WDR7: variants seen among roughly 807,000 people sequenced by gnomAD.
WDR7 encodes WD repeat domain 7, also known as WD repeat-containing protein 7.
A neutral mutation model predicts 169.4 loss-of-function variants in WDR7; 46 were observed. The ratio of observed to expected loss-of-function variants is 0.27; its 90% CI spans 0.21 to 0.35. WDR7 has a LOEUF of 0.35. Among genes scored for constraint, WDR7 ranks in the 10% least tolerant of loss-of-function variants. The pLI is 1.00. For synonymous variants in WDR7, 612 were observed against 666.8 expected, an observed-to-expected ratio of 0.92 and a Z score of 1.27; for missense variants, 1,534 against 1,859.3, an observed-to-expected ratio of 0.83 and a Z score of 3.22.
intron 16 of WDR7, among the ~76,000 whole-genome samples, chr18:56,770,890 T>C (rs1385026104): frequency 6.6e-6 from 1 of 152,190 alleles, no homozygotes; most frequent in Non-Finnish European, 1.5e-5. Context: ...GGAAAGGGTC[T>C]ATATTATGAA....
rs182754978 is a variant in WDR7, at chr18:56,878,727, C to G, written c.3305-1217C>G. ...TTATTAGCTATTGTTAACCATTTTA[C>G]CCCCACTCCAGCCAACCACTAATCT... On this transcript the variant is annotated intron_variant, in intron 20 of 27. Transcript: ENST00000254442. Among the ~76,000 whole-genome samples the G allele has an allele frequency of 2.4e-3, 365 of 152,232 alleles. 1 individual carries two copies. Among genetic ancestry groups the G allele is most frequent in the African/African-American group, 8.3e-3 (344 of 41,536 alleles).
intron 16 of WDR7, among the ~76,000 whole-genome samples, chr18:56,761,619 A>G (rs2043981971): frequency 6.6e-6 from 1 of 152,012 alleles, no homozygotes; most frequent in African/African-American, 2.4e-5. Flanking sequence ...TTATACATCA[A>G]CTTGATATAT....
chr18:56,977,455 G>T (rs1216949758), intron 26 of WDR7, among the ~76,000 whole-genome samples: 1 of 152,178 alleles, frequency 6.6e-6, no homozygotes, highest in Non-Finnish European at 1.5e-5. Flanking sequence ...TGGCTTCATT[G>T]CACTGAGAGG....
chr18:56,718,252 C>T, intron 13 of WDR7, 93 bp downstream of exon 13: 3 of 1,304,342 alleles, frequency 2.3e-6, no homozygotes, highest in South Asian at 1.7e-5. Context: ...AGAAAAAAGG[C>T]TTGAAATGTA....
chr18:56,829,918 G>T (rs946133849), intron 20 of WDR7, among the ~76,000 whole-genome samples: 1 of 152,134 alleles, frequency 6.6e-6, no homozygotes, highest in East Asian at 1.9e-4. Context: ...TAAGTTTAAA[G>T]ATAGATAAGT....
rs925087936 is a variant in WDR7 at position 56,885,553 on chromosome 18, G to A, written c.3526+5388G>A. Among the ~76,000 whole-genome samples, 23 of 151,968 alleles carry A rather than the reference G, an allele frequency of 1.5e-4. No individual in the cohort carries two copies. In the East Asian group the frequency reaches 2.5e-3, roughly 17 times the overall value. On this transcript the variant is annotated intron_variant, in intron 21 of 27. Coordinates refer to ENST00000254442, the MANE Select transcript of WDR7 (RefSeq NM_015285.3). ...AGAACTTCAGAACTCAGCTGGGCGC[G>A]GTGGCTCATGCCTGTAATCCCAGCA...
At chr18:56,762,861 T>G (rs921446995) in intron 16 of WDR7, among the ~76,000 whole-genome samples, 2 of 152,028 alleles carry the variant, frequency 1.3e-5, no homozygotes, top group East Asian at 3.9e-4. Context: ...AATGCCTATT[T>G]ATATCTTTTG....
rs2047981711 is a variant in WDR7, at chr18:57,001,653, A to G, written c.4165-19092A>G. ...ATGTGACCACCACCATAATCAGGAT[A>G]AGAACATATCCATTACCCAAAAAGT... On this transcript the variant is annotated intron_variant, in intron 26 of 27. Coordinates refer to ENST00000254442, the MANE Select transcript of WDR7 (RefSeq NM_015285.3). 1.3e-5 allele frequency among the ~76,000 whole-genome samples: 2 copies of G among 152,174 alleles called. 1 individual carries two copies. Among genetic ancestry groups the G allele is most frequent in the South Asian group, 4.1e-4 (2 of 4,828 alleles).
intron 14 of WDR7, among the ~76,000 whole-genome samples, chr18:56,748,731 CCTGT>C (rs1359906269): frequency 6.6e-6 from 1 of 152,030 alleles, no homozygotes; most frequent in African/African-American, 2.4e-5. Flanking sequence ...GAAGTCTTAT[CCTGT>C]CTAAAATAAA....
At chr18:56,788,266 T>C (rs2044432974) in intron 19 of WDR7, among the ~76,000 whole-genome samples, 1 of 152,210 alleles carries the variant, frequency 6.6e-6, no homozygotes, top group African/African-American at 2.4e-5. Context: ...TATACTTCTT[T>C]ATTTGAATGG....
intron 25 of WDR7, among the ~76,000 whole-genome samples, chr18:56,956,761 A>G (rs1396315307): frequency 6.6e-6 from 1 of 152,168 alleles, no homozygotes; most frequent in Non-Finnish European, 1.5e-5. Context: ...AAGGGATGCA[A>G]CATGCAGTTG....
intron 20 of WDR7, among the ~76,000 whole-genome samples, chr18:56,862,344 G>A (rs922664004): frequency 3.3e-5 from 5 of 151,004 alleles, no homozygotes; most frequent in African/African-American, 9.7e-5. Context: ...TTGAATTAAC[G>A]GTATATGAAT....
intron 14 of WDR7, among the ~76,000 whole-genome samples, chr18:56,744,152 T>A (rs1158962726): frequency 7.0e-6 from 1 of 142,102 alleles, no homozygotes. Flanking sequence ...GGCAGGAGAA[T>A]GGCGTGAACC....
chr18:56,891,147 C>T (rs1242046359), intron 21 of WDR7, among the ~76,000 whole-genome samples: 1 of 152,056 alleles, frequency 6.6e-6, no homozygotes, highest in Non-Finnish European at 1.5e-5. Context: ...TACCTTAATG[C>T]ACAAATTATA....
intron 2 of WDR7, among the ~76,000 whole-genome samples, chr18:56,678,763 G>A (rs573466155): frequency 2.0e-5 from 3 of 152,146 alleles, no homozygotes; most frequent in Non-Finnish European, 4.4e-5. Flanking sequence ...CCAAAGTGCT[G>A]GGATTACAGA....
chr18:56,913,599 C>A lies in WDR7; in HGVS notation c.3527-10323C>A, dbSNP rs538638351. Among the ~76,000 whole-genome samples the A allele has an allele frequency of 2.1e-5, 3 of 140,404 alleles. No individual in the cohort carries two copies. In the South Asian group the frequency reaches 6.9e-4, roughly 32 times the overall value. 92.1% of individuals were successfully genotyped at this position (140,404 alleles called of 152,430 possible). A position where few individuals can be genotyped will look rare whatever the true frequency, so the allele number is the denominator to read the frequency against. On this transcript the variant is annotated intron_variant, in intron 21 of 27. Transcript: ENST00000254442. Reference sequence around the variant, plus strand: ...CCCAGGAGTTTGAGACCAGCCTGGGCAACAGAGTGAGACCCCATCTCTACA... The same window carrying A: ...CCCAGGAGTTTGAGACCAGCCTGGGAAACAGAGTGAGACCCCATCTCTACA...
chr18:56,769,200 A>C (rs956625214), intron 16 of WDR7, among the ~76,000 whole-genome samples: 22 of 149,962 alleles, frequency 1.5e-4, no homozygotes, highest in African/African-American at 5.4e-4. Flanking sequence ...AAGTCTGCTC[A>C]TGGCTTTAGG....
intron 20 of WDR7, among the ~76,000 whole-genome samples, chr18:56,820,339 CAAAAAAA>C (rs386387798): frequency 0.054 from 2,307 of 42,496 alleles, 65 homozygotes; most frequent in Middle Eastern, 0.35. Context: ...CTGACATTGT[CAAAAAAA>C]AAAAAAAAAA....
At chr18:56,975,139 G>A (rs2047547634) in intron 26 of WDR7, among the ~76,000 whole-genome samples, 1 of 152,050 alleles carries the variant, frequency 6.6e-6, no homozygotes, top group Non-Finnish European at 1.5e-5. Flanking sequence ...AGGAGGCAGA[G>A]GCAGGAGAAT....
Sources: gnomAD v4.1 joint callset for allele counts (sites outside exome capture counted in the v4.1 genomes callset) on GRCh38, gnomAD v4.1.1 for gene constraint, MANE v1.5 for transcripts, NCBI Gene and HGNC (gene_info 2026-07-23, HGNC 2026-07-21) for gene names.